Variants in CNTNAP2 observed in about 807,000 individuals in gnomAD.
CNTNAP2 encodes contactin associated protein 2.
In CNTNAP2, 98 loss-of-function variants were observed where a neutral mutation model predicts 155.2. The ratio of observed to expected loss-of-function variants is 0.63; its 90% CI spans 0.54 to 0.75. The LOEUF is 0.75. CNTNAP2 is among the 30% of genes least tolerant of loss of function. CNTNAP2 has a pLI of 0.00. For missense variants in CNTNAP2, 1,727 were observed against 1,688.1 expected (o/e 1.02, Z -0.40); for synonymous variants, 651 against 631.2 (o/e 1.03, Z -0.47).
rs541630647 is a variant in CNTNAP2 at position 148,036,889 on chromosome 7, G to A, written c.2383+58900G>A. On this transcript the variant is annotated intron_variant, in intron 15 of 23. Transcript: ENST00000361727. ...ATAGAACACATAAAGCCAACTTTAT[G>A]TGTTTTTTTAAATGTAAATGTGACT... Among the ~76,000 whole-genome samples, 16 of 152,172 alleles carry A rather than the reference G, an allele frequency of 1.1e-4. No individual in the cohort carries two copies. The South Asian group carries it at 2.9e-3, about 28-fold the overall frequency.
chr7:146,476,335 T>C (rs1453811294), intron 1 of CNTNAP2, among the ~76,000 whole-genome samples: 1 of 152,186 alleles, frequency 6.6e-6, no homozygotes, highest in African/African-American at 2.4e-5. Flanking sequence ...ATCCAAAATT[T>C]CAACAAAAGG....
intron 1 of CNTNAP2, among the ~76,000 whole-genome samples, chr7:146,450,790 A>AT (rs1434819018): frequency 6.6e-6 from 1 of 152,210 alleles, no homozygotes; most frequent in Non-Finnish European, 1.5e-5. Flanking sequence ...GAAAATTAAC[A>AT]TTTTTGAACC....
chr7:147,043,791 G>A, intron 3 of CNTNAP2, 116 bp from the exon 4 acceptor site: 1 of 1,266,978 alleles, frequency 7.9e-7, no homozygotes, highest in Non-Finnish European at 1.1e-6. Context: ...TATTTACGGT[G>A]TAAGAAATCA....
At chr7:146,839,049 A>G (rs1355917881) in intron 2 of CNTNAP2, among the ~76,000 whole-genome samples, 1 of 152,136 alleles carries the variant, frequency 6.6e-6, no homozygotes, top group East Asian at 1.9e-4. Context: ...TTGCTGAGCA[A>G]TTCTTATATT....
chr7:148,244,569 T>G (rs566840265), intron 20 of CNTNAP2, among the ~76,000 whole-genome samples: 1 of 149,206 alleles, frequency 6.7e-6, no homozygotes, highest in African/African-American at 2.5e-5. Flanking sequence ...GTTTTGGGTT[T>G]TTTTTTTTTT....
At chr7:148,111,255 G>A (rs564565717) in intron 15 of CNTNAP2, among the ~76,000 whole-genome samples, 6 of 152,252 alleles carry the variant, frequency 3.9e-5, no homozygotes, top group African/African-American at 1.2e-4. Flanking sequence ...GTGGCAGGAG[G>A]TCTGGGAAGA....
At chr7:147,169,814 T>A (rs1802190813) in intron 8 of CNTNAP2, among the ~76,000 whole-genome samples, 1 of 152,310 alleles carries the variant, frequency 6.6e-6, no homozygotes, top group Non-Finnish European at 1.5e-5. Context: ...AAAATTTCTA[T>A]TTTGCCTTTC....
intron 4 of CNTNAP2, among the ~76,000 whole-genome samples, chr7:147,075,538 G>A (rs1298475966): frequency 6.6e-6 from 1 of 152,030 alleles, no homozygotes; most frequent in Non-Finnish European, 1.5e-5. Context: ...TGTCCATCAA[G>A]CATTCCAGAC....
intron 3 of CNTNAP2, among the ~76,000 whole-genome samples, chr7:147,041,280 T>A (rs1021632891): frequency 1.3e-5 from 2 of 152,168 alleles, no homozygotes; most frequent in African/African-American, 4.8e-5. Context: ...CCTTGGTTCA[T>A]GTTTCCCGAG....
chr7:146,149,303 A>G (rs1161648387), intron 1 of CNTNAP2, among the ~76,000 whole-genome samples: 5 of 152,170 alleles, frequency 3.3e-5, no homozygotes, highest in Admixed American at 6.6e-5. Context: ...TTTTAAAAAC[A>G]TAAAAAGATT....
chr7:148,184,937 T>C (rs1221900313), intron 18 of CNTNAP2, among the ~76,000 whole-genome samples: 1 of 152,250 alleles, frequency 6.6e-6, no homozygotes, highest in Non-Finnish European at 1.5e-5. Context: ...ATGCAAATTA[T>C]TATTAAGTTT....
intron 21 of CNTNAP2, among the ~76,000 whole-genome samples, chr7:148,350,039 T>C (rs1238277344): frequency 6.6e-6 from 1 of 152,124 alleles, no homozygotes; most frequent in Non-Finnish European, 1.5e-5. Flanking sequence ...GGATGATGGA[T>C]GGTGGGGAGA....
chr7:147,749,013 C>T (rs1397881170), intron 13 of CNTNAP2, among the ~76,000 whole-genome samples: 1 of 152,188 alleles, frequency 6.6e-6, no homozygotes, highest in Non-Finnish European at 1.5e-5. Context: ...TCTGAGATCT[C>T]TGTCAACGAT....
intron 3 of CNTNAP2, among the ~76,000 whole-genome samples, chr7:147,000,220 A>ATAT (rs1432801802): frequency 1.3e-5 from 2 of 151,858 alleles, no homozygotes; most frequent in Admixed American, 6.6e-5. Flanking sequence ...GTTTGATTTA[A>ATAT]TATTATTATT....
At chr7:147,684,128 G>C (rs896065573) in intron 13 of CNTNAP2, among the ~76,000 whole-genome samples, 1 of 151,698 alleles carries the variant, frequency 6.6e-6, no homozygotes, top group African/African-American at 2.4e-5. Context: ...ACTTTAAAGA[G>C]AACATGACAG....
intron 13 of CNTNAP2, among the ~76,000 whole-genome samples, chr7:147,652,358 G>A (rs1795462142): frequency 6.6e-6 from 1 of 151,982 alleles, no homozygotes; most frequent in African/African-American, 2.4e-5. Flanking sequence ...TTCTCTCTTG[G>A]TATTGGACCT....
intron 1 of CNTNAP2, among the ~76,000 whole-genome samples, chr7:146,384,974 C>T (rs1378924025): frequency 1.3e-5 from 2 of 152,130 alleles, no homozygotes; most frequent in East Asian, 1.9e-4. Context: ...AAGCCAGAAA[C>T]ATAGTTGGTC....
chr7:148,186,758 G>A (rs537187430), intron 18 of CNTNAP2, among the ~76,000 whole-genome samples: 1 of 152,202 alleles, frequency 6.6e-6, no homozygotes, highest in East Asian at 1.9e-4. Context: ...ACACAAAAGG[G>A]GTATTTAATA....
At chr7:148,200,660 T>C (rs1217566056) in intron 18 of CNTNAP2, among the ~76,000 whole-genome samples, 1 of 152,192 alleles carries the variant, frequency 6.6e-6, no homozygotes, top group Non-Finnish European at 1.5e-5. Context: ...AAAATACACC[T>C]ACGATGCTAC....
Sources: allele counts gnomAD v4.1 joint callset (sites outside exome capture counted in the v4.1 genomes callset), GRCh38; gene constraint gnomAD v4.1.1; transcripts MANE v1.5; gene names NCBI Gene and HGNC (gene_info 2026-07-23, HGNC 2026-07-21).